KDM4D: variants seen among roughly 807,000 people sequenced by gnomAD.
KDM4D encodes the protein lysine-specific demethylase 4D.
For missense variants in KDM4D, 427 were observed against 674.8 expected, an observed-to-expected ratio of 0.63 and a Z score of 4.07; for synonymous variants, 254 against 249.1, an observed-to-expected ratio of 1.02 and a Z score of -0.19.
At chr11:94,982,545 A>T (rs1361755402) in intron 2 of KDM4D, among the ~76,000 whole-genome samples, 1 of 23,928 alleles carries the variant, frequency 4.2e-5, no homozygotes, top group Non-Finnish European at 2.3e-4. Flanking sequence ...CCTATTTCTA[A>T]AAAAAAAAAA....
At chr11:94,979,041 T>C (rs1555097302) in intron 2 of KDM4D, among the ~76,000 whole-genome samples, 1 of 152,216 alleles carries the variant, frequency 6.6e-6, no homozygotes, top group Non-Finnish European at 1.5e-5. Flanking sequence ...ATAAGTTATA[T>C]GTGTGTACAT....
At chr11:94,978,949 T>G (rs1857820986) in intron 2 of KDM4D, among the ~76,000 whole-genome samples, 1 of 152,020 alleles carries the variant, frequency 6.6e-6, no homozygotes, top group South Asian at 2.1e-4. Flanking sequence ...AAGTGACAAA[T>G]CTAAAATCAT....
chr11:94,975,796 T>C (rs1228310333), intron 2 of KDM4D, 48 bp downstream of exon 2: 1 of 152,114 alleles, frequency 6.6e-6, no homozygotes, highest in Non-Finnish European at 1.5e-5. Context: ...CACTATGAAG[T>C]AGAGGAATGA....
intron 2 of KDM4D, among the ~76,000 whole-genome samples, chr11:94,991,487 A>G (rs1857934120): frequency 6.6e-6 from 1 of 152,194 alleles, no homozygotes; most frequent in Non-Finnish European, 1.5e-5. Context: ...AAAAGAAGAA[A>G]TGCTCCCATG....
At chr11:94,989,133 T>C (rs1037050843) in intron 2 of KDM4D, among the ~76,000 whole-genome samples, 13 of 152,328 alleles carry the variant, frequency 8.5e-5, no homozygotes, top group South Asian at 4.1e-4. Context: ...GAGACAGTTA[T>C]TAACTGCAGA....
intron 2 of KDM4D, among the ~76,000 whole-genome samples, chr11:94,981,986 T>G (rs781932459): frequency 2.4e-4 from 37 of 151,576 alleles, no homozygotes; most frequent in Admixed American, 6.5e-4. Context: ...CTTTTAATGC[T>G]ATTTACCTGC....
At chr11:94,996,122 T>C (rs1306365187) in intron 2 of KDM4D, among the ~76,000 whole-genome samples, 2 of 152,258 alleles carry the variant, frequency 1.3e-5, no homozygotes, top group South Asian at 2.1e-4. Flanking sequence ...ATCACTTGAA[T>C]GTATAGTTTA....
At chr11:94,991,977 T>C (rs587684954) in intron 2 of KDM4D, among the ~76,000 whole-genome samples, 8 of 152,140 alleles carry the variant, frequency 5.3e-5, no homozygotes, top group African/African-American at 1.9e-4. Context: ...ATTCATATCC[T>C]CTTCATACTC....
intron 2 of KDM4D, among the ~76,000 whole-genome samples, chr11:94,980,266 T>A (rs1475238242): frequency 1.3e-5 from 2 of 152,140 alleles, no homozygotes; most frequent in African/African-American, 2.4e-5. Context: ...TCTAAAGGTT[T>A]CATAGCTGCA....
In KDM4D at chr11:94,978,906, TA is replaced by T. The variant is rs587654379; in HGVS notation, c.-350+3160del. On this transcript the variant is annotated intron_variant, in intron 2 of 2. Transcript: ENST00000335080. ...TCGGACATGTATGCAGCTAATGACATAACTTGAGAAAATATGAAGCAAAAGT... is the reference window on the plus strand; with the variant it reads ...TCGGACATGTATGCAGCTAATGACATACTTGAGAAAATATGAAGCAAAAGT... Among the ~76,000 whole-genome samples, 567 of 152,252 alleles carry T rather than the reference TA, an allele frequency of 3.7e-3. 1 individual carries two copies. Among genetic ancestry groups the T allele is most frequent in the Non-Finnish European group, 6.2e-3 (419 of 68,014 alleles).
chr11:94,978,738 A>G (rs1555097259), intron 2 of KDM4D, among the ~76,000 whole-genome samples: 1 of 152,242 alleles, frequency 6.6e-6, no homozygotes, highest in African/African-American at 2.4e-5. Flanking sequence ...AGATAGAAAA[A>G]GACATGCCAG....
intron 1 of KDM4D, among the ~76,000 whole-genome samples, 165 bp from the exon 2 acceptor site, chr11:94,975,489 G>A (rs1857790175): frequency 6.6e-6 from 1 of 152,080 alleles, no homozygotes; most frequent in African/African-American, 2.4e-5. Context: ...TAAAATGGGC[G>A]TAATTCTAGT....
intron 2 of KDM4D, among the ~76,000 whole-genome samples, chr11:94,979,566 A>G (rs1857827317): frequency 1.3e-5 from 2 of 152,186 alleles, no homozygotes; most frequent in African/African-American, 4.8e-5. Flanking sequence ...AGTCTTGCCA[A>G]TTTTTAAATT....
In KDM4D at chr11:94,997,401, G is replaced by A; in HGVS notation, c.29G>A (p.Cys10Tyr). Residue 10 changes from cysteine to tyrosine, a missense_variant, in exon 3 of 3, where the codon TGT (cysteine) becomes TAT (tyrosine). Transcript: ENST00000335080. METMKSKAN[C>Y]AQNPNCNIMI... ...GAAACTATGAAGTCTAAGGCCAACT[G>A]TGCCCAGAATCCAAATTGTAACATA... The A allele has an allele frequency of 1.9e-6, 3 of 1,611,816 alleles. No homozygotes were observed. The highest frequency in any genetic ancestry group is 2.5e-6 in the Non-Finnish European group (3 of 1,178,908).
At chr11:94,981,602 T>C (rs979931728) in intron 2 of KDM4D, among the ~76,000 whole-genome samples, 47 of 152,198 alleles carry the variant, frequency 3.1e-4, no homozygotes, top group African/African-American at 1.0e-3. Context: ...ATTTACTTCA[T>C]TGAAATGTTA....
intron 2 of KDM4D, among the ~76,000 whole-genome samples, chr11:94,977,224 C>A (rs1271291516): frequency 6.6e-6 from 1 of 152,100 alleles, no homozygotes; most frequent in Non-Finnish European, 1.5e-5. Context: ...TTACAGCATC[C>A]GATTGGCAAC....
chr11:94,986,466 G>A (rs1857888353), intron 2 of KDM4D, among the ~76,000 whole-genome samples: 1 of 152,032 alleles, frequency 6.6e-6, no homozygotes, highest in South Asian at 2.1e-4. Flanking sequence ...ATGGTGATGT[G>A]CACCTGTTAG....
chr11:94,987,027 C>G (rs1555098197), intron 2 of KDM4D, among the ~76,000 whole-genome samples: 1 of 152,090 alleles, frequency 6.6e-6, no homozygotes, highest in African/African-American at 2.4e-5. Context: ...GGTTGAACCT[C>G]AAAAACGTGG....
chr11:94,975,015 C>T (rs1857784803), intron 1 of KDM4D, among the ~76,000 whole-genome samples: 1 of 152,222 alleles, frequency 6.6e-6, no homozygotes, highest in Non-Finnish European at 1.5e-5. Context: ...AGTCTGGTTC[C>T]TGCCTACCTT....
Sources: allele counts gnomAD v4.1 joint callset (sites outside exome capture counted in the v4.1 genomes callset), GRCh38; gene constraint gnomAD v4.1.1; transcripts MANE v1.5; gene names NCBI Gene and HGNC (gene_info 2026-07-23, HGNC 2026-07-21).